OTC: variants seen among roughly 807,000 people sequenced by gnomAD.
OTC encodes the protein ornithine transcarbamylase.
OTC carries 3 observed loss-of-function variants against 30.3 expected under a neutral mutation model. The ratio of observed to expected loss-of-function variants is 0.10; its 90% CI spans 0.05 to 0.26. OTC has a LOEUF of 0.26. OTC is among the 10% of genes least tolerant of loss of function. The pLI is 1.00. For synonymous variants in OTC, 111 were observed against 99.7 expected, an observed-to-expected ratio of 1.11 and a Z score of -0.67; for missense variants, 194 against 260.3, an observed-to-expected ratio of 0.75 and a Z score of 1.75.
At chrX:38,329,029 C>T in the OTC span, among the ~76,000 whole-genome samples, 1 of 112,382 alleles carries the variant, frequency 8.9e-6, no homozygotes, top group African/African-American at 3.2e-5. Flanking sequence ...TTTAGAGTAT[C>T]ATAATTGTTA....
chrX:38,340,459 G>GT, the OTC span, among the ~76,000 whole-genome samples: 18,944 of 59,947 alleles, frequency 0.32, 1,842 homozygotes, highest in Middle Eastern at 0.45. Flanking sequence ...TTGTTTTTTT[G>GT]TTTTTTTTTT....
In OTC at chrX:38,381,352, T is replaced by C. The variant is rs746332645; in HGVS notation, c.309T>C (p.Leu103=). ...TTTTTTTTATTGTAGGCTTTGCACTTCTGGGAGGACATCCTTGTTTTCTTA... is the reference window on the plus strand; with the variant it reads ...TTTTTTTTATTGTAGGCTTTGCACTCCTGGGAGGACATCCTTGTTTTCTTA... ...TRLSTETGFA[L]LGGHPCFLTT... is the part of the protein sequence containing the mutation. The change falls in exon 4 of 10, where the codon CTT becomes CTC. Residue 103 remains leucine (L), a synonymous_variant. Transcript: ENST00000039007. 8.4e-7 allele frequency: 1 copy of C among 1,192,145 alleles called. No individual in the cohort carries two copies. The highest frequency in any genetic ancestry group is 1.7e-5 in the African/African-American group (1 of 57,516).
chrX:38,420,315 T>C (rs1479929758), intron 9 of OTC, among the ~76,000 whole-genome samples: 1 of 111,082 alleles, frequency 9.0e-6, no homozygotes, highest in Non-Finnish European at 1.9e-5. Flanking sequence ...CATTTTCCTC[T>C]AGCTCACCAA....
chrX:38,409,177 C>G, intron 8 of OTC, 152 bp downstream of exon 8: 1 of 618,388 alleles, frequency 1.6e-6, no homozygotes. Context: ...TCTCTCCTTC[C>G]AAAGATTAGC....
chrX:38,330,176 C>G, the OTC span, among the ~76,000 whole-genome samples: 1 of 111,537 alleles, frequency 9.0e-6, no homozygotes, highest in Non-Finnish European at 1.9e-5. Flanking sequence ...GATACAACAG[C>G]GCTGGCTGTG....
chrX:38,389,143 A>G (rs2068418952), intron 4 of OTC, among the ~76,000 whole-genome samples: 1 of 111,811 alleles, frequency 8.9e-6, no homozygotes, highest in South Asian at 3.7e-4. Context: ...ACCCTACTCC[A>G]TATGACTTCA....
chrX:38,399,896 C>T (rs944434182), intron 4 of OTC, among the ~76,000 whole-genome samples: 5 of 111,098 alleles, frequency 4.5e-5, no homozygotes, highest in Admixed American at 9.6e-5. Context: ...AAATATAGCG[C>T]GCTTAGATAG....
the OTC span, among the ~76,000 whole-genome samples, chrX:38,334,228 C>T: frequency 9.0e-6 from 1 of 111,153 alleles, no homozygotes; most frequent in African/African-American, 3.3e-5. Flanking sequence ...TCTTTAAATT[C>T]CCGTATTACA....
chrX:38,353,227 G>A (rs2068226723), intron 1 of OTC, among the ~76,000 whole-genome samples: 1 of 111,985 alleles, frequency 8.9e-6, no homozygotes, highest in African/African-American at 3.2e-5. Context: ...TATGTGATGG[G>A]GATAACGACA....
the OTC span, among the ~76,000 whole-genome samples, chrX:38,344,230 TATATATATATACACACACACACACAC>T: frequency 3.1e-5 from 2 of 64,804 alleles, no homozygotes; most frequent in Non-Finnish European, 2.8e-5. Context: ...CTTTTGGTGA[TATATATATATACACACACACACACAC>T]ACACACACAC....
chrX:38,356,918 G>T (rs1216599845), intron 1 of OTC, among the ~76,000 whole-genome samples: 1 of 110,757 alleles, frequency 9.0e-6, no homozygotes, highest in Admixed American at 9.6e-5. Context: ...GAAAACATTT[G>T]TGAGTTTTTT....
chrX:38,388,634 CTCAGCGTA>C (rs1265306437), intron 4 of OTC, among the ~76,000 whole-genome samples: 1 of 111,575 alleles, frequency 9.0e-6, no homozygotes, highest in Non-Finnish European at 1.9e-5. Flanking sequence ...ATGCCTAATG[CTCAGCGTA>C]CTACTGAAAA....
At chrX:38,361,508 G>T (rs1216711647) in intron 1 of OTC, among the ~76,000 whole-genome samples, 1 of 111,696 alleles carries the variant, frequency 9.0e-6, no homozygotes, top group Non-Finnish European at 1.9e-5. Flanking sequence ...TGTCCCAGGG[G>T]AAGTAACACC....
At chrX:38,410,005 A>G (rs1332203989) in intron 8 of OTC, among the ~76,000 whole-genome samples, 1 of 111,301 alleles carries the variant, frequency 9.0e-6, no homozygotes, top group Non-Finnish European at 1.9e-5. Context: ...ACACATAACT[A>G]TTGATTTTTT....
chrX:38,401,100 G>A (rs2068483041), intron 4 of OTC, among the ~76,000 whole-genome samples, 175 bp from the exon 5 acceptor site: 1 of 112,043 alleles, frequency 8.9e-6, no homozygotes, highest in African/African-American at 3.2e-5. Context: ...AGAACATCTG[G>A]CTTATGTAAT....
chrX:38,345,607 C>T, the OTC span, among the ~76,000 whole-genome samples: 2 of 108,733 alleles, frequency 1.8e-5, no homozygotes, highest in Non-Finnish European at 3.8e-5. Flanking sequence ...GTGGTGAGAA[C>T]TCAGCTCACT....
chrX:38,406,289 C>T (rs1318683773), intron 6 of OTC, among the ~76,000 whole-genome samples: 5 of 111,910 alleles, frequency 4.5e-5, no homozygotes, highest in Non-Finnish European at 9.4e-5. Context: ...ATCTATTTCC[C>T]CATTCTTTAA....
chrX:38,384,976 T>C (rs2068395143), intron 4 of OTC, among the ~76,000 whole-genome samples: 1 of 111,820 alleles, frequency 8.9e-6, no homozygotes, highest in Non-Finnish European at 1.9e-5. Flanking sequence ...AATAAAATGC[T>C]GATCAAGGCT....
the OTC span, among the ~76,000 whole-genome samples, chrX:38,347,251 C>T: frequency 8.9e-6 from 1 of 112,289 alleles, no homozygotes; most frequent in East Asian, 2.8e-4. Flanking sequence ...TGCTATTTCA[C>T]ATAATGAAGT....
Sources: gnomAD v4.1 joint callset for allele counts (sites outside exome capture counted in the v4.1 genomes callset) on GRCh38, gnomAD v4.1.1 for gene constraint, MANE v1.5 for transcripts, NCBI Gene and HGNC (gene_info 2026-07-23, HGNC 2026-07-21) for gene names.